Variants in IL1RL1 observed in about 807,000 individuals in gnomAD.
The protein encoded by IL1RL1 is interleukin 1 receptor like 1.
Under a neutral mutation model 50.9 loss-of-function variants are expected in IL1RL1, and 32 were observed. The observed-to-expected ratio is 0.63, with a 90% CI of 0.47 to 0.84. IL1RL1 has a LOEUF of 0.84. IL1RL1 is among the 40% of genes least tolerant of loss of function. The pLI is 0.00. For synonymous variants in IL1RL1, 275 were observed against 236.0 expected (o/e 1.17, Z -1.51); for missense variants, 773 against 662.9 (o/e 1.17, Z -1.82).
At chr2:102,341,106 T>C in intron 5 of IL1RL1, 1 of 878,248 alleles carries the variant, frequency 1.1e-6, no homozygotes, top group Non-Finnish European at 1.5e-6. Flanking sequence ...TAAAGCAATC[T>C]GAATGCTAAC....
At chr2:102,334,591 G>A (rs1031890483) in intron 1 of IL1RL1, among the ~76,000 whole-genome samples, 1 of 142,302 alleles carries the variant, frequency 7.0e-6, no homozygotes, top group African/African-American at 2.4e-5. Flanking sequence ...GTGAAATGAG[G>A]GGAAAAAAAA....
At chr2:102,325,208 C>A (rs1263660252) in intron 1 of IL1RL1, among the ~76,000 whole-genome samples, 1 of 152,216 alleles carries the variant, frequency 6.6e-6, no homozygotes, top group African/African-American at 2.4e-5. Context: ...ATCCGCTGTT[C>A]TGCAGCCTCT....
intron 8 of IL1RL1, chr2:102,343,978 T>A: frequency 2.5e-6 from 2 of 788,448 alleles, no homozygotes; most frequent in Non-Finnish European, 1.5e-6. Flanking sequence ...TATAAAGAAA[T>A]ACCTGAGACT....
chr2:102,312,662 G>A (rs1482510221), intron 1 of IL1RL1, among the ~76,000 whole-genome samples: 1 of 152,094 alleles, frequency 6.6e-6, no homozygotes, highest in Non-Finnish European at 1.5e-5. Flanking sequence ...ACGGACATGA[G>A]AGGGGTGGAT....
intron 6 of IL1RL1, 119 bp downstream of exon 6, chr2:102,342,413 G>A: frequency 4.4e-6 from 3 of 677,790 alleles, no homozygotes; most frequent in Non-Finnish European, 7.8e-6. Flanking sequence ...TGAGGAGTAA[G>A]TGAGGTGACA....
downstream of IL1RL1, chr2:102,352,040 G>T (rs997668387): frequency 3.9e-6 from 4 of 1,030,780 alleles, no homozygotes; most frequent in African/African-American, 4.9e-5. Context: ...CAGGCCTCAG[G>T]TTTCATCTGG....
intron 1 of IL1RL1, among the ~76,000 whole-genome samples, chr2:102,327,291 G>T (rs563677121): frequency 0.012 from 1,809 of 152,040 alleles, 36 homozygotes; most frequent in African/African-American, 0.041. Context: ...AAATAAAGAT[G>T]TTCTTTGAAA....
chr2:102,318,638 G>T (rs1676747221), intron 1 of IL1RL1, among the ~76,000 whole-genome samples: 1 of 152,164 alleles, frequency 6.6e-6, no homozygotes, highest in African/African-American at 2.4e-5. Flanking sequence ...CAGTTAACTG[G>T]ATGACATCAT....
At chr2:102,334,078 C>T (rs901692944) in intron 1 of IL1RL1, among the ~76,000 whole-genome samples, 5 of 152,140 alleles carry the variant, frequency 3.3e-5, no homozygotes, top group Admixed American at 1.3e-4. Flanking sequence ...TTTTTATACA[C>T]TAATTTCTTT....
At chr2:102,335,197 T>C (rs1677282301) in intron 1 of IL1RL1, among the ~76,000 whole-genome samples, 7 of 152,224 alleles carry the variant, frequency 4.6e-5, no homozygotes, top group Admixed American at 4.6e-4. Context: ...TTGTCTTAAG[T>C]TGCTATAAAC....
chr2:102,351,335 G>A (rs1559609068), intron 10 of IL1RL1, among the ~76,000 whole-genome samples: 2 of 152,076 alleles, frequency 1.3e-5, no homozygotes, highest in African/African-American at 4.8e-5. Context: ...AGGACATTGG[G>A]GCTGATATTC....
rs1677407345 is a variant in IL1RL1 at position 102,338,321 on chromosome 2, G to C, written c.57G>C (p.Lys19Asn). 6.4e-7 allele frequency: 1 copy of C among 1,570,746 alleles called. No homozygotes were observed. The highest frequency in any genetic ancestry group is 8.7e-7 in the Non-Finnish European group (1 of 1,143,742). The change falls in exon 2 of 11, where the codon AAG (lysine) becomes AAC (asparagine). Residue 19 changes from lysine to asparagine, a missense_variant. Lys to Asn is a moderately conservative substitution (Grantham distance 94). Transcript: ENST00000233954. Reference protein sequence around the residue: ...LTILMYSTAAKFSKQSWGLEN... With the variant: ...LTILMYSTAANFSKQSWGLEN... ...TTCTCATGTATTCCACAGCAGCAAA[G>C]TTTAGTAAGTATTGCCTTCTAAGTA... is the stretch of plus-strand genomic sequence containing the variant.
chr2:102,348,480 G>A (rs768746626), intron 9 of IL1RL1, among the ~76,000 whole-genome samples: 1 of 152,132 alleles, frequency 6.6e-6, no homozygotes, highest in African/African-American at 2.4e-5. Flanking sequence ...AAGGTCCATC[G>A]GAATGCATGT....
intron 8 of IL1RL1, chr2:102,343,809 T>C: frequency 1.9e-6 from 2 of 1,080,262 alleles, no homozygotes; most frequent in South Asian, 6.5e-5. Flanking sequence ...GTAAGCATGG[T>C]CCGTTCTATA....
chr2:102,342,186 TG>T, intron 5 of IL1RL1, 36 bp from the exon 6 acceptor site: 3 of 1,398,066 alleles, frequency 2.1e-6, no homozygotes, highest in Non-Finnish European at 3.0e-6. Flanking sequence ...TAGCATTCAA[TG>T]CTCTCCTAAT....
intron 1 of IL1RL1, among the ~76,000 whole-genome samples, chr2:102,324,732 A>G (rs539159326): frequency 6.6e-6 from 1 of 152,228 alleles, no homozygotes; most frequent in South Asian, 2.1e-4. Flanking sequence ...AGGGTCCTAC[A>G]CCCGTGGAGC....
chr2:102,335,607 A>G (rs1464126930), intron 1 of IL1RL1, among the ~76,000 whole-genome samples: 1 of 152,212 alleles, frequency 6.6e-6, no homozygotes, highest in East Asian at 1.9e-4. Flanking sequence ...GAAGAGTTCA[A>G]CTTTAATAAA....
intron 8 of IL1RL1, chr2:102,343,747 C>T (rs2104993536): frequency 1.6e-6 from 2 of 1,223,228 alleles, no homozygotes; most frequent in East Asian, 3.9e-5. Context: ...GCACCAACAA[C>T]CGTAAACTGA....
At chr2:102,331,203 C>T (rs1236599572) in intron 1 of IL1RL1, among the ~76,000 whole-genome samples, 1 of 152,110 alleles carries the variant, frequency 6.6e-6, no homozygotes, top group Non-Finnish European at 1.5e-5. Context: ...TTTCTTTAAC[C>T]ATGTCTTGGG....
Sources: gnomAD v4.1 joint callset for allele counts (sites outside exome capture counted in the v4.1 genomes callset) on GRCh38, gnomAD v4.1.1 for gene constraint, MANE v1.5 for transcripts, NCBI Gene and HGNC (gene_info 2026-07-23, HGNC 2026-07-21) for gene names.